Variants in DNAH17 observed in about 807,000 individuals in gnomAD.
The protein encoded by DNAH17 is dynein axonemal heavy chain 17, also known as axonemal beta dynein heavy chain 17.
Under a neutral mutation model 485.6 loss-of-function variants are expected in DNAH17, and 376 were observed. The observed-to-expected ratio is 0.77, with a 90% confidence interval of 0.71 to 0.84. The LOEUF (loss-of-function observed/expected upper bound fraction) is 0.84, where lower values mean the gene tolerates loss of function less well. Ranked by LOEUF, DNAH17 falls within the 40% of genes least tolerant of loss-of-function variation. DNAH17 has a pLI of 0.00. For synonymous variants in DNAH17, 3,031 were observed against 2,405.9 expected (o/e 1.26, Z -7.60); for missense variants, 6,370 against 5,839.3 (o/e 1.09, Z -2.96).
In DNAH17 at chr17:78,553,363, G is replaced by A. The variant is rs926113537; in HGVS notation, c.2179-558C>T. 4.0e-5 allele frequency among the ~76,000 whole-genome samples: 5 copies of A among 126,556 alleles called. No homozygotes were observed. The South Asian group carries it at 7.7e-4, about 20-fold the overall frequency. 83.0% of individuals were successfully genotyped at this position (126,556 alleles called of 152,430 possible). A position where few individuals can be genotyped will look rare whatever the true frequency, so the allele number is the denominator to read the frequency against. On this transcript the variant is annotated intron_variant, in intron 14 of 80. Coordinates refer to ENST00000389840, the MANE Select transcript of DNAH17 (RefSeq NM_173628.4). ...GTCACCCAGGCTGGAGTACAGTGGC[G>A]TGATCTTGGCTCACTGCAATCTCTG...
At chr17:78,484,743 C>CCCTGCCGCCCCCACCGT in intron 48 of DNAH17, 125 bp downstream of exon 48, 1 of 295,608 alleles carries the variant, frequency 3.4e-6, no homozygotes, top group Non-Finnish European at 4.9e-6. Flanking sequence ...TGCAGCACCC[C>CCCTGCCGCCCCCACCGT]CCCCACCGCC....
chr17:78,445,945 G>C (rs1346713607), intron 69 of DNAH17, among the ~76,000 whole-genome samples: 1 of 150,362 alleles, frequency 6.7e-6, no homozygotes, highest in Non-Finnish European at 1.5e-5. Context: ...CGAGGAGGGG[G>C]TGGATCACTT....
At chr17:78,428,406 TG>T in intron 77 of DNAH17, 118 bp downstream of exon 77, 1 of 1,270,572 alleles carries the variant, frequency 7.9e-7, no homozygotes. Flanking sequence ...AGCCCAAGGC[TG>T]GGGCAGAGTG....
At chr17:78,449,355 G>T in intron 69 of DNAH17, 59 bp downstream of exon 69, 2 of 1,502,440 alleles carry the variant, frequency 1.3e-6, no homozygotes, top group South Asian at 2.5e-5. Context: ...AAAGCTCCCA[G>T]GGGTCAGTGA....
In DNAH17 at chr17:78,459,151, G is replaced by A. The variant is rs894977; in HGVS notation, c.9711C>T (p.Ala3237=). 1.1e-3 allele frequency: 1,787 copies of A among 1,614,012 alleles called. 23 individuals carry two copies. The African/African-American group carries it at 0.021, about 19-fold the overall frequency. Residue 3237 remains alanine, a synonymous_variant, in exon 61 of 81, where the codon GCC becomes GCT. Transcript: ENST00000389840. ...DPEFIRSKST[A]AAGLCSWCIN... ...TGCACCAGGAGCACAGGCCGGCGGC[G>A]GCCGTGGACTTGGAGCGGATGAACT...
chr17:78,505,175 CG>C, intron 31 of DNAH17, 117 bp downstream of exon 31: 1 of 1,334,358 alleles, frequency 7.5e-7, no homozygotes, highest in Non-Finnish European at 1.0e-6. Context: ...GGAGCAGGGG[CG>C]GGCTGGCAGC....
intron 15 of DNAH17, among the ~76,000 whole-genome samples, chr17:78,552,453 C>T (rs982075871): frequency 8.6e-5 from 13 of 151,954 alleles, no homozygotes; most frequent in African/African-American, 3.1e-4. Flanking sequence ...AACTTGGAAA[C>T]CTCTTGGCAG....
chr17:78,450,322 C>G lies in DNAH17; in HGVS notation c.10972G>C (p.Ala3658Pro). 6.2e-7 allele frequency: 1 copy of G among 1,613,906 alleles called. No individual in the cohort carries two copies. Reference protein sequence around the residue: ...RENYRPAAERASLLYFILNDL... With the variant: ...RENYRPAAERPSLLYFILNDL... ...TTCAGTATGAAGTAGAGCAGAGATG[C>G]CCTCTCCGCAGCCGGGCGGTAGTTC... Residue 3658 changes from alanine (A) to proline (P), a missense_variant, in exon 68 of 81, where the codon GCA becomes CCA. Transcript: ENST00000389840.
chr17:78,446,599 T>C (rs1321876727), intron 69 of DNAH17, among the ~76,000 whole-genome samples: 1 of 151,848 alleles, frequency 6.6e-6, no homozygotes, highest in Non-Finnish European at 1.5e-5. Context: ...TTGGCTGTTG[T>C]GAATTGATTA....
Position 78,466,782 on chromosome 17 carries a change from A to G in DNAH17, c.8813T>C (p.Leu2938Pro), listed in dbSNP as rs761479701. 2 of 1,604,000 alleles carry G rather than the reference A, an allele frequency of 1.2e-6. No homozygotes were observed. Among genetic ancestry groups the G allele is most frequent in the African/African-American group, 1.3e-5 (1 of 74,450 alleles). The change falls in exon 56 of 81, where the codon CTG becomes CCG. Residue 2938 changes from leucine (L) to proline (P), a missense_variant. Transcript: ENST00000389840. ...ILCFSPVGSVLRVRARKFPAV... is the reference protein window; with the variant it reads ...ILCFSPVGSVPRVRARKFPAV... Reference sequence around the variant, plus strand: ...TGGGAACTTTCTGGCTCGTACCCGCAGCACGGAGCCCACAGGGGAGAAACA... The same window carrying G: ...TGGGAACTTTCTGGCTCGTACCCGCGGCACGGAGCCCACAGGGGAGAAACA...
chr17:78,466,726 A>T lies in DNAH17; in HGVS notation c.8869T>A (p.Phe2957Ile). The part of the protein sequence containing the change: ...AVVNCTAIDW[F>I]HEWPEDALVS... ...AGCGCATCTTCCGGCCACTCGTGGA[A>T]CCAGTCGATGGCCGTGCAGTTGACC... The change falls in exon 56 of 81, where the codon TTC becomes ATC. Residue 2957 changes from phenylalanine (F) to isoleucine (I), a missense_variant. Phe to Ile is a conservative substitution (Grantham distance 21). Transcript: ENST00000389840. The T allele has an allele frequency of 6.2e-7, 1 of 1,613,016 alleles. No individual in the cohort carries two copies. The highest frequency in any genetic ancestry group is 8.5e-7 in the Non-Finnish European group (1 of 1,179,624).
At position 78,566,624 on chromosome 17, in the gene DNAH17, G is replaced by C; in HGVS notation, c.1559C>G (p.Ser520Cys). The change falls in exon 11 of 81, where the codon TCC becomes TGC. Residue 520 changes from serine (S) to cysteine (C), a missense_variant. Transcript: ENST00000389840. ...CCACTGCATGCTTACCTTTGCGGAG[G>C]ACTTGATACAGCTGCAGTCATCAAA... is the stretch of plus-strand genomic sequence containing the variant. ...QGFDDCSCIK[S>C]SAKLLYMCGG... The C allele has an allele frequency of 2.5e-6, 4 of 1,606,230 alleles. No individual in the cohort carries two copies. The highest frequency in any genetic ancestry group is 2.2e-5 in the East Asian group (1 of 44,708).
chr17:78,524,267 A>T (rs1568194820), intron 25 of DNAH17, among the ~76,000 whole-genome samples: 2 of 152,152 alleles, frequency 1.3e-5, no homozygotes, highest in Non-Finnish European at 2.9e-5. Flanking sequence ...CTTCCCGAGT[A>T]GCTGGGATTA....
At chr17:78,543,130 G>C (rs1356417632) in intron 17 of DNAH17, among the ~76,000 whole-genome samples, 8 of 152,012 alleles carry the variant, frequency 5.3e-5, no homozygotes, top group Non-Finnish European at 1.2e-4. Flanking sequence ...GTTTTGTTTT[G>C]TTTTGAGATA....
intron 31 of DNAH17, among the ~76,000 whole-genome samples, chr17:78,504,407 G>C (rs545386072): frequency 6.6e-6 from 1 of 152,040 alleles, no homozygotes; most frequent in Non-Finnish European, 1.5e-5. Context: ...GGCAGGCCTC[G>C]CTGTGGTCTG....
intron 69 of DNAH17, among the ~76,000 whole-genome samples, chr17:78,448,412 A>G (rs2087405198): frequency 6.6e-6 from 1 of 152,190 alleles, no homozygotes; most frequent in Admixed American, 6.5e-5. Context: ...CTGTAGTCCC[A>G]GCTACTGAGG....
At chr17:78,531,340 T>G (rs1234462383) in intron 20 of DNAH17, among the ~76,000 whole-genome samples, 5 of 138,470 alleles carry the variant, frequency 3.6e-5, no homozygotes, top group African/African-American at 1.1e-4. Flanking sequence ...AGTCTGTCTT[T>G]TTTTTTTTTT....
At position 78,459,025 on chromosome 17, in the gene DNAH17, C is replaced by T. The variant is rs1200858223; in HGVS notation, c.9837G>A (p.Leu3279=). Residue 3279 remains leucine (L), a synonymous_variant, in exon 61 of 81, where the codon CTG becomes CTA. Coordinates refer to ENST00000389840, the MANE Select transcript of DNAH17 (RefSeq NM_173628.4). ...NAELAEAQEK[L]SRIKNKIAEL... ...CGGCAATCTTGTTTTTGATCCGGGA[C>T]AGCTTCTCTTGTGCCTCTGCCAGCT... The T allele has an allele frequency of 6.2e-7, 1 of 1,614,062 alleles. No individual in the cohort carries two copies. The highest frequency in any genetic ancestry group is 2.2e-5 in the East Asian group (1 of 44,894).
intron 75 of DNAH17, among the ~76,000 whole-genome samples, chr17:78,433,814 G>T (rs1325182474): frequency 1.3e-5 from 2 of 152,152 alleles, no homozygotes; most frequent in Non-Finnish European, 2.9e-5. Context: ...CTTAATTACA[G>T]CAGGCTGGAG....
Sources: gnomAD v4.1 joint callset for allele counts (sites outside exome capture counted in the v4.1 genomes callset) on GRCh38, gnomAD v4.1.1 for gene constraint, MANE v1.5 for transcripts, NCBI Gene and HGNC (gene_info 2026-07-23, HGNC 2026-07-21) for gene names.